The following KLHL42 variants were observed in gnomAD, a reference collection of about 807,000 sequenced individuals.
KLHL42 encodes the protein kelch like family member 42.
In KLHL42, 27 loss-of-function variants were observed where a neutral mutation model predicts 32.7. That is an observed-to-expected ratio of 0.83 (90% CI 0.61 to 1.14). The LOEUF is 1.14. KLHL42 is among the 50% of genes most tolerant of loss of function. The probability of loss-of-function intolerance (pLI) is 0.00; values close to 1 mark genes in which losing one functional copy is unlikely to be tolerated. For synonymous variants in KLHL42, 267 were observed against 248.2 expected (o/e 1.08, Z -0.71); for missense variants, 491 against 560.8 (o/e 0.88, Z 1.26).
At chr12:27,794,033 A>G (rs2062208806) in intron 2 of KLHL42, among the ~76,000 whole-genome samples, 2 of 152,240 alleles carry the variant, frequency 1.3e-5, no homozygotes, top group Non-Finnish European at 2.9e-5. Flanking sequence ...AAGAAGTTAA[A>G]ATGTAAAGTA....
At chr12:27,791,935 T>G in intron 2 of KLHL42, 34 bp downstream of exon 2, 1 of 1,593,734 alleles carries the variant, frequency 6.3e-7, no homozygotes, top group Non-Finnish European at 8.6e-7. Context: ...GGTCTGCCCA[T>G]GTGTAGGCGT....
chr12:27,784,123 T>G (rs1157661035), intron 1 of KLHL42, among the ~76,000 whole-genome samples: 1 of 149,082 alleles, frequency 6.7e-6, no homozygotes, highest in African/African-American at 2.5e-5. Flanking sequence ...TGTATGTGTT[T>G]TTTTTTTTTG....
rs1337656175 is a variant in KLHL42, at chr12:27,791,826, C to T, written c.991C>T (p.Pro331Ser). 4 of 1,614,052 alleles carry T rather than the reference C, an allele frequency of 2.5e-6. No individual in the cohort carries two copies. Among genetic ancestry groups the T allele is most frequent in the Middle Eastern group, 3.3e-4 (2 of 6,084 alleles). Residue 331 changes from proline (P) to serine (S), a missense_variant, in exon 2 of 3, where the codon CCC becomes TCC. By Grantham distance (74) the Pro-to-Ser change is moderately conservative (BLOSUM62 -1). This residue lies in a region of KLHL42 where 152 missense variants were observed against 125.9 expected (regional missense o/e 1.21). Transcript: ENST00000381271. ...TGCGTGGAATTTTGTGGCGCCCTTA[C>T]CCAATCCTCTGGCTGAGTTCTCTGC... ...QDAWNFVAPL[P>S]NPLAEFSACE...
chr12:27,791,259 C>T (rs1323504927), intron 1 of KLHL42, among the ~76,000 whole-genome samples: 10 of 152,056 alleles, frequency 6.6e-5, no homozygotes, highest in East Asian at 1.9e-4. Context: ...CTGCCTGTCT[C>T]GACAGCACCA....
At position 27,800,621 on chromosome 12, in the gene KLHL42, T is replaced by G. The variant is rs1223323239; in HGVS notation, c.*2455T>G. The G allele has an allele frequency of 6.5e-6, 1 of 154,826 alleles. No homozygotes were observed. Among genetic ancestry groups the G allele is most frequent in the Non-Finnish European group, 1.4e-5 (1 of 70,810 alleles). The allele number at this position is 154,826 out of a possible 1,614,324, so 9.6% of individuals were successfully genotyped here. A position where few individuals can be genotyped will look rare whatever the true frequency, so the allele number is the denominator to read the frequency against. On this transcript the variant is annotated 3_prime_UTR_variant, in exon 3 of 3. Coordinates refer to ENST00000381271, the MANE Select transcript of KLHL42 (RefSeq NM_020782.2). ...ACCTATGATAGAGGCAATGTTGCTTTGAAAATCTCCCTTCAGGCGGAGGTT... is the reference window on the plus strand; with the variant it reads ...ACCTATGATAGAGGCAATGTTGCTTGGAAAATCTCCCTTCAGGCGGAGGTT...
In KLHL42 at chr12:27,798,347, G is replaced by T; in HGVS notation, c.*181G>T. 1 of 543,174 alleles carries T rather than the reference G, an allele frequency of 1.8e-6. No individual in the cohort carries two copies. 33.6% of individuals were successfully genotyped at this position (543,174 alleles called of 1,614,324 possible). On this transcript the variant is annotated 3_prime_UTR_variant, in exon 3 of 3. Transcript: ENST00000381271. ...TACTTGAAAACTGGTGGAAAAAAGA[G>T]ACCAACTTTGTTATTTTTTAAATTA...
intron 2 of KLHL42, among the ~76,000 whole-genome samples, chr12:27,795,192 G>A (rs1283974902): frequency 3.3e-5 from 5 of 152,144 alleles, no homozygotes; most frequent in African/African-American, 9.7e-5. Flanking sequence ...CTGACATAAC[G>A]CACATATGTG....
In KLHL42 at chr12:27,780,953, C is replaced by T; in HGVS notation, c.623C>T (p.Ala208Val). ...GGGGACTTCCTGGGGGGACCCCTGG[C>T]CCCTCACCCCTACCAGGGGGAGCCC... ...ALGDFLGGPL[A>V]PHPYQGEPPS... Residue 208 changes from alanine to valine, a missense_variant, in exon 1 of 3, where the codon GCC becomes GTC. Around this residue, in one of 4 missense-constraint regions of KLHL42, gnomAD observed 248 missense variants for 329.2 expected, o/e 0.75. Transcript: ENST00000381271. This position sits in a 1 kb window ranked among gnomAD's most constrained non-coding sequence, Gnocchi z 8.8. The T allele has an allele frequency of 6.2e-7, 1 of 1,600,986 alleles. No homozygotes were observed. The highest frequency in any genetic ancestry group is 8.5e-7 in the Non-Finnish European group (1 of 1,170,838).
chr12:27,780,804 C>A lies in KLHL42; in HGVS notation c.474C>A (p.His158Gln). The A allele has an allele frequency of 6.2e-7, 1 of 1,613,766 alleles. No individual in the cohort carries two copies. The highest frequency in any genetic ancestry group is 8.5e-7 in the Non-Finnish European group (1 of 1,180,014). The change falls in exon 1 of 3, where the codon CAC becomes CAA. Residue 158 changes from histidine (H) to glutamine (Q), a missense_variant. This residue lies in a region of KLHL42 where 248 missense variants were observed against 329.2 expected (regional missense o/e 0.75). Transcript: ENST00000381271. This position sits in a 1 kb window ranked among gnomAD's most constrained non-coding sequence, Gnocchi z 8.8. ...TGCGCTTCATGGTCGTCCACTTCCA[C>A]GAGGTGCTGTGCAAGCCCCAGTTCC... is the stretch of plus-strand genomic sequence containing the variant. ...ACLRFMVVHF[H>Q]EVLCKPQFHL... is the part of the protein sequence containing the mutation.
At chr12:27,794,016 T>C (rs1177761511) in intron 2 of KLHL42, among the ~76,000 whole-genome samples, 1 of 152,214 alleles carries the variant, frequency 6.6e-6, no homozygotes, top group Non-Finnish European at 1.5e-5. Flanking sequence ...TGGGGATTTA[T>C]GTTAGGAAGA....
In KLHL42 at chr12:27,780,323, C is replaced by T. The variant is rs748287672; in HGVS notation, c.-8C>T. The T allele has an allele frequency of 8.4e-6, 13 of 1,555,562 alleles. No individual in the cohort carries two copies. The Admixed American group carries it at 1.5e-4, about 18-fold the overall frequency. On this transcript the variant is annotated 5_prime_UTR_variant, in exon 1 of 3. Coordinates refer to ENST00000381271, the MANE Select transcript of KLHL42 (RefSeq NM_020782.2). This position sits in a 1 kb window ranked among gnomAD's most constrained non-coding sequence, Gnocchi z 8.8. Reference sequence around the variant, plus strand: ...GCGGTGAGCGCTGCCGCCCCGGGGCCCCCAGCCATGTCGGCCGAGGAGATG... The same window carrying T: ...GCGGTGAGCGCTGCCGCCCCGGGGCTCCCAGCCATGTCGGCCGAGGAGATG...
intron 1 of KLHL42, among the ~76,000 whole-genome samples, chr12:27,786,598 T>C (rs1202856707): frequency 6.6e-6 from 1 of 152,148 alleles, no homozygotes; most frequent in Non-Finnish European, 1.5e-5. Context: ...GAGACTGCTT[T>C]GGGATGTATC....
intron 2 of KLHL42, among the ~76,000 whole-genome samples, chr12:27,795,297 T>C (rs1423678319): frequency 6.6e-6 from 1 of 152,214 alleles, no homozygotes; most frequent in Non-Finnish European, 1.5e-5. Flanking sequence ...AGTTTTTCCA[T>C]GACCCTGGCT....
intron 1 of KLHL42, among the ~76,000 whole-genome samples, chr12:27,789,285 A>G (rs1468662429): frequency 6.6e-6 from 1 of 152,238 alleles, no homozygotes; most frequent in Non-Finnish European, 1.5e-5. Context: ...CAGATTCAGT[A>G]ATTTGTCTAA....
Position 27,798,238 on chromosome 12 carries a change from A to G in KLHL42, c.*72A>G. The stretch of plus-strand genomic sequence containing the variant: ...AAAATGTGGTGTCCCATTCCAAGGG[A>G]GACCAATTCCTAAAGGGTAAAGAAG... On this transcript the variant is annotated 3_prime_UTR_variant, in exon 3 of 3. Coordinates refer to ENST00000381271, the MANE Select transcript of KLHL42 (RefSeq NM_020782.2). The G allele has an allele frequency of 1.4e-6, 1 of 700,736 alleles. No homozygotes were observed. Among genetic ancestry groups the G allele is most frequent in the Non-Finnish European group, 2.6e-6 (1 of 388,652 alleles). The allele number at this position is 700,736 out of a possible 1,614,324, so 43.4% of individuals were successfully genotyped here.
rs1454783216 is a variant in KLHL42 at position 27,801,679 on chromosome 12, T to TTCCA, written c.*3514_*3517dup. 6.6e-6 allele frequency: 1 copy of TTCCA among 152,222 alleles called. No homozygotes were observed. The highest frequency in any genetic ancestry group is 1.5e-5 in the Non-Finnish European group (1 of 68,042). 9.4% of individuals were successfully genotyped at this position (152,222 alleles called of 1,614,324 possible). The stretch of plus-strand genomic sequence containing the variant: ...CTTAGAATCCATGTCAGATTGGTGC[T>TTCCA]TCCAGACATCTATTCCCAGTCCATC... On this transcript the variant is annotated 3_prime_UTR_variant, in exon 3 of 3. Coordinates refer to ENST00000381271, the MANE Select transcript of KLHL42 (RefSeq NM_020782.2).
At chr12:27,786,304 A>T (rs1436377411) in intron 1 of KLHL42, among the ~76,000 whole-genome samples, 2 of 152,228 alleles carry the variant, frequency 1.3e-5, no homozygotes, top group African/African-American at 4.8e-5. Context: ...TCAAAATTTC[A>T]TCATGTGTGC....
At chr12:27,791,490 G>A (rs2062196782) in intron 1 of KLHL42, among the ~76,000 whole-genome samples, 1 of 152,222 alleles carries the variant, frequency 6.6e-6, no homozygotes, top group Non-Finnish European at 1.5e-5. Flanking sequence ...ATCTTCGATA[G>A]CTAGTGTTTG....
At chr12:27,785,967 A>G (rs2062170314) in intron 1 of KLHL42, among the ~76,000 whole-genome samples, 1 of 152,236 alleles carries the variant, frequency 6.6e-6, no homozygotes, top group Admixed American at 6.5e-5. Context: ...ACATCATTTA[A>G]TTGAACACTT....
Sources: gnomAD v4.1 joint callset for allele counts (sites outside exome capture counted in the v4.1 genomes callset) on GRCh38, gnomAD v4.1.1 for gene constraint, gnomAD v4.1.1 regional missense constraint, Gnocchi (gnomAD v3.1) non-coding constraint, MANE v1.5 for transcripts, NCBI Gene and HGNC (gene_info 2026-07-23, HGNC 2026-07-21) for gene names.